SETD2: variants seen among roughly 807,000 people sequenced by gnomAD.
SETD2 encodes SET domain containing 2, histone lysine methyltransferase.
Under a neutral mutation model 242.1 loss-of-function variants are expected in SETD2, and 31 were observed. The observed-to-expected ratio is 0.13, with a 90% CI of 0.10 to 0.17. The LOEUF (loss-of-function observed/expected upper bound fraction) is 0.17, where lower values mean the gene tolerates loss of function less well. SETD2 is among the 10% of genes least tolerant of loss of function. The pLI is 1.00. For missense variants in SETD2, 2,481 were observed against 3,046.3 expected (o/e 0.81, Z 4.37); for synonymous variants, 1,006 against 1,066.5 (o/e 0.94, Z 1.11).
At chr3:47,111,851 T>C (rs2042664100) in intron 5 of SETD2, among the ~76,000 whole-genome samples, 1 of 152,060 alleles carries the variant, frequency 6.6e-6, no homozygotes, top group Non-Finnish European at 1.5e-5. Context: ...AAAAAAATTA[T>C]TGTCTTTATT....
chr3:47,098,516 A>G (rs535441338), intron 8 of SETD2: 1 of 153,516 alleles, frequency 6.5e-6, no homozygotes, highest in East Asian at 1.9e-4. Context: ...CTTAAAAGGA[A>G]ACATTTGATT....
rs200627610 is a variant in SETD2 at position 47,046,670 on chromosome 3, A to C, written c.6964-49T>G. On this transcript the variant is annotated intron_variant, in intron 15 of 20. Transcript: ENST00000409792. ...AATAATTTAAGCTTTTGTCACTTTA[A>C]TAAACAGACTGACTTCCAAGTTGGC... is the stretch of plus-strand genomic sequence containing the variant. 9.2e-5 allele frequency: 141 copies of C among 1,531,956 alleles called. 1 individual carries two copies. The East Asian group carries it at 3.2e-3, about 35-fold the overall frequency. 94.9% of individuals were successfully genotyped at this position (1,531,956 alleles called of 1,614,324 possible). A position where few individuals can be genotyped will look rare whatever the true frequency, so the allele number is the denominator to read the frequency against.
intron 1 of SETD2, among the ~76,000 whole-genome samples, chr3:47,148,271 C>G (rs536116305): frequency 6.6e-6 from 1 of 152,152 alleles, no homozygotes; most frequent in Admixed American, 6.6e-5. Context: ...GTTGGGATTA[C>G]AGGCACCCAC....
At chr3:47,099,074 A>T (rs1401757245) in intron 8 of SETD2, among the ~76,000 whole-genome samples, 1 of 152,184 alleles carries the variant, frequency 6.6e-6, no homozygotes, top group Non-Finnish European at 1.5e-5. Flanking sequence ...CATTTGTCCT[A>T]GATTATAATC....
chr3:47,154,577 T>G (rs2044082124), intron 1 of SETD2, among the ~76,000 whole-genome samples: 2 of 152,092 alleles, frequency 1.3e-5, no homozygotes, highest in African/African-American at 4.8e-5. Context: ...AGTTCTTGGA[T>G]ATGGTATTTG....
chr3:47,038,742 A>G (rs1357303107), intron 17 of SETD2, among the ~76,000 whole-genome samples: 1 of 152,248 alleles, frequency 6.6e-6, no homozygotes, highest in East Asian at 1.9e-4. Context: ...AAAATAAGCA[A>G]GCAAAGATTT....
chr3:47,083,950 T>A lies in SETD2; in HGVS notation c.5830A>T (p.Ile1944Leu). Residue 1944 changes from isoleucine (I) to leucine (L), a missense_variant, in exon 12 of 21, where the codon ATA (isoleucine) becomes TTA (leucine). Around this residue, in one of 17 missense-constraint regions of SETD2, gnomAD observed 203 missense variants for 222.4 expected, o/e 0.91. Coordinates refer to ENST00000409792, the MANE Select transcript of SETD2 (RefSeq NM_014159.7). Reference sequence around the variant, plus strand: ...GATGTAGGTAGCTTACTAGCTTCTATGTTGGTTTCACTATCAACTTTGCAT... The same window carrying A: ...GATGTAGGTAGCTTACTAGCTTCTAAGTTGGTTTCACTATCAACTTTGCAT... ...PECKVDSETN[I>L]EASKLPTSEP... 6.2e-7 allele frequency: 1 copy of A among 1,614,168 alleles called. No individual in the cohort carries two copies. The highest frequency in any genetic ancestry group is 1.1e-5 in the South Asian group (1 of 91,086).
chr3:47,024,724 T>C (rs1050812438), intron 18 of SETD2, among the ~76,000 whole-genome samples: 1 of 152,228 alleles, frequency 6.6e-6, no homozygotes, highest in Admixed American at 6.5e-5. Flanking sequence ...AACTACTATT[T>C]TAACATAACA....
At chr3:47,023,807 A>T (rs986084685) in intron 18 of SETD2, among the ~76,000 whole-genome samples, 4 of 152,204 alleles carry the variant, frequency 2.6e-5, no homozygotes, top group Non-Finnish European at 2.9e-5. Context: ...GTATGTGCGT[A>T]GGTGACATAC....
At chr3:47,071,932 A>T (rs2040837729) in intron 12 of SETD2, among the ~76,000 whole-genome samples, 2 of 152,154 alleles carry the variant, frequency 1.3e-5, no homozygotes, top group South Asian at 4.1e-4. Flanking sequence ...AAAATTATTA[A>T]ATAATTTATA....
chr3:47,047,596 T>C (rs887834557), intron 15 of SETD2, among the ~76,000 whole-genome samples: 9 of 152,178 alleles, frequency 5.9e-5, no homozygotes, highest in African/African-American at 2.2e-4. Context: ...AAAACTCAAG[T>C]AGTCTGAATA....
chr3:47,073,552 G>A (rs2040920998), intron 12 of SETD2, among the ~76,000 whole-genome samples: 1 of 151,940 alleles, frequency 6.6e-6, no homozygotes, highest in African/African-American at 2.4e-5. Context: ...AGAGTGAGAG[G>A]GAGAAGAGGA....
chr3:47,108,093 C>T (rs2042509078), intron 5 of SETD2, among the ~76,000 whole-genome samples: 1 of 151,896 alleles, frequency 6.6e-6, no homozygotes, highest in African/African-American at 2.4e-5. Context: ...AGCTGGGCAA[C>T]ATGGTGAAAT....
At chr3:47,110,718 ACAT>A (rs1247684917) in intron 5 of SETD2, among the ~76,000 whole-genome samples, 1 of 152,188 alleles carries the variant, frequency 6.6e-6, no homozygotes, top group Non-Finnish European at 1.5e-5. Context: ...TTGGTATTAC[ACAT>A]CATCATGTGG....
At chr3:47,058,148 G>A (rs899487712) in intron 14 of SETD2, among the ~76,000 whole-genome samples, 1 of 152,106 alleles carries the variant, frequency 6.6e-6, no homozygotes, top group African/African-American at 2.4e-5. Flanking sequence ...TCAGAATGTT[G>A]AGAGAAACTA....
intron 12 of SETD2, among the ~76,000 whole-genome samples, chr3:47,067,451 G>C (rs932195817): frequency 9.3e-6 from 1 of 108,034 alleles, no homozygotes; most frequent in African/African-American, 3.8e-5. Context: ...GTCTTGCTCT[G>C]TCACCCAGGC....
intron 7 of SETD2, among the ~76,000 whole-genome samples, chr3:47,101,938 A>G (rs1345073750): frequency 1.3e-5 from 2 of 152,224 alleles, no homozygotes; most frequent in Non-Finnish European, 2.9e-5. Context: ...TGAGTATCAA[A>G]GGCAAGTCTA....
intron 1 of SETD2, among the ~76,000 whole-genome samples, chr3:47,140,685 A>AC (rs1324936462): frequency 3.9e-5 from 6 of 152,078 alleles, no homozygotes; most frequent in Non-Finnish European, 8.8e-5. Context: ...ACATGGTGAA[A>AC]TCCTGTCTCT....
At chr3:47,140,004 T>C (rs530435696) in intron 1 of SETD2, among the ~76,000 whole-genome samples, 4 of 152,282 alleles carry the variant, frequency 2.6e-5, no homozygotes, top group African/African-American at 9.6e-5. Flanking sequence ...AACTTGATCA[T>C]ACTCACCAAC....
Sources: gnomAD v4.1 joint callset for allele counts (sites outside exome capture counted in the v4.1 genomes callset) on GRCh38, gnomAD v4.1.1 for gene constraint, gnomAD v4.1.1 regional missense constraint, MANE v1.5 for transcripts, NCBI Gene and HGNC (gene_info 2026-07-23, HGNC 2026-07-21) for gene names.